Variants in RIMBP2 observed in about 807,000 individuals in gnomAD.
RIMBP2 encodes the protein RIMS binding protein 2, also known as RIMS-binding protein 2.
In RIMBP2, 48 loss-of-function variants were observed where a neutral mutation model predicts 118.6. The observed-to-expected ratio is 0.40, with a 90% CI of 0.32 to 0.51. The LOEUF is 0.51. RIMBP2 is among the 20% of genes least tolerant of loss of function. RIMBP2 has a pLI of 0.41. For missense variants in RIMBP2, 1,551 were observed against 1,768.3 expected (o/e 0.88, Z 2.20); for synonymous variants, 762 against 742.9 (o/e 1.03, Z -0.42).
rs10580090 is a variant in RIMBP2 at position 130,480,198 on chromosome 12, T to TACACAC, written c.-3-1188_-3-1183dup. Among the ~76,000 whole-genome samples the TACACAC allele has an allele frequency of 3.0e-3, 387 of 128,168 alleles. 1 individual carries two copies. Among genetic ancestry groups the TACACAC allele is most frequent in the African/African-American group, 0.013 (363 of 28,766 alleles). 84.1% of individuals were successfully genotyped at this position (128,168 alleles called of 152,430 possible). A position where few individuals can be genotyped will look rare whatever the true frequency, so the allele number is the denominator to read the frequency against. ...AGAATTTCATTGTCATTTCCTTTCA[T>TACACAC]ACACACACACACACACACACACACA... On this transcript the variant is annotated intron_variant, in intron 4 of 22. Transcript: ENST00000690449.
chr12:130,508,877 G>A (rs1021588006), intron 3 of RIMBP2, among the ~76,000 whole-genome samples: 12 of 152,152 alleles, frequency 7.9e-5, no homozygotes, highest in African/African-American at 2.9e-4. Flanking sequence ...TGGCTCCTGG[G>A]TGGACTATTG....
intron 21 of RIMBP2, among the ~76,000 whole-genome samples, chr12:130,402,891 A>G (rs1326989785): frequency 1.3e-5 from 2 of 152,232 alleles, no homozygotes; most frequent in African/African-American, 4.8e-5. Flanking sequence ...ATGCTGGGCT[A>G]TAGCAAGAAC....
chr12:130,403,760 C>T (rs914418983), intron 21 of RIMBP2, among the ~76,000 whole-genome samples: 22 of 152,164 alleles, frequency 1.4e-4, no homozygotes, highest in African/African-American at 5.1e-4. Flanking sequence ...AAAGGTATTC[C>T]AATGAATACA....
At chr12:130,411,233 A>G (rs975485277) in intron 19 of RIMBP2, among the ~76,000 whole-genome samples, 7 of 152,194 alleles carry the variant, frequency 4.6e-5, no homozygotes, top group African/African-American at 1.7e-4. Flanking sequence ...TGTTAGTTCT[A>G]GGAACTTTTT....
chr12:130,483,757 G>A (rs1224068799), intron 4 of RIMBP2, among the ~76,000 whole-genome samples: 5 of 136,148 alleles, frequency 3.7e-5, no homozygotes, highest in African/African-American at 1.1e-4. Context: ...CACAGTGCCC[G>A]GAGCCCCCAT....
At chr12:130,706,249 T>A (rs1357925872) in intron 1 of RIMBP2, among the ~76,000 whole-genome samples, 1 of 152,236 alleles carries the variant, frequency 6.6e-6, no homozygotes, top group Non-Finnish European at 1.5e-5. Context: ...CAATTGCTAA[T>A]CTTTATTGAG....
At chr12:130,485,969 C>A (rs2082437348) in intron 4 of RIMBP2, among the ~76,000 whole-genome samples, 1 of 152,228 alleles carries the variant, frequency 6.6e-6, no homozygotes. Flanking sequence ...GCCTCAGTTT[C>A]ATCACAGATG....
chr12:130,630,329 AAATT>A (rs2061917747), intron 1 of RIMBP2, among the ~76,000 whole-genome samples: 1 of 151,404 alleles, frequency 6.6e-6, no homozygotes, highest in South Asian at 2.1e-4. Context: ...TTAATTATAA[AAATT>A]AATATAAAAA....
intron 1 of RIMBP2, among the ~76,000 whole-genome samples, chr12:130,656,944 C>A (rs1283558362): frequency 6.6e-6 from 1 of 152,194 alleles, no homozygotes; most frequent in African/African-American, 2.4e-5. Flanking sequence ...TTCACCCAGG[C>A]AGGAGTGCAT....
chr12:130,619,570 G>A (rs2061171313), intron 2 of RIMBP2, among the ~76,000 whole-genome samples: 1 of 152,200 alleles, frequency 6.6e-6, no homozygotes, highest in Non-Finnish European at 1.5e-5. Context: ...GGGTCTGGGA[G>A]ATGTTCACAC....
rs1256506913 is a variant in RIMBP2 at position 130,617,274 on chromosome 12, G to A, written c.-217+11048C>T. ...AGCCCAGGCCCACGCCCTGCAGCTG[G>A]GAGCTGCTGGACCAGGCTTAGAACC... On this transcript the variant is annotated intron_variant, in intron 2 of 22. Coordinates refer to ENST00000690449, the MANE Select transcript of RIMBP2 (RefSeq NM_001393629.1). The surrounding 1 kb of genome is among the most constrained non-coding windows in gnomAD (Gnocchi z 4.6). Among the ~76,000 whole-genome samples, 1 of 152,100 alleles carries A rather than the reference G, an allele frequency of 6.6e-6. No homozygotes were observed. The highest frequency in any genetic ancestry group is 2.4e-5 in the African/African-American group (1 of 41,416).
chr12:130,712,141 G>A (rs903155434), intron 1 of RIMBP2, among the ~76,000 whole-genome samples: 3 of 152,212 alleles, frequency 2.0e-5, no homozygotes, highest in Non-Finnish European at 4.4e-5. Flanking sequence ...GGACGTGAGG[G>A]CCCAGGCATT....
intron 2 of RIMBP2, among the ~76,000 whole-genome samples, chr12:130,561,578 C>T (rs926838065): frequency 2.0e-5 from 3 of 152,178 alleles, no homozygotes; most frequent in South Asian, 4.1e-4. Context: ...TTGCGTAATC[C>T]GGTGTGATTT....
intron 1 of RIMBP2, among the ~76,000 whole-genome samples, chr12:130,649,602 A>G (rs1377895103): frequency 6.6e-6 from 1 of 152,120 alleles, no homozygotes; most frequent in Non-Finnish European, 1.5e-5. Context: ...TTCCTTGGAG[A>G]GACAGCGCGG....
intron 2 of RIMBP2, among the ~76,000 whole-genome samples, chr12:130,519,502 A>T (rs1393144355): frequency 6.6e-6 from 1 of 152,376 alleles, no homozygotes; most frequent in Non-Finnish European, 1.5e-5. Context: ...TCTGGATGGC[A>T]TAACATTTAT....
At chr12:130,438,631 G>T in intron 11 of RIMBP2, 115 bp from the exon 12 acceptor site, 3 of 659,774 alleles carry the variant, frequency 4.5e-6, no homozygotes, top group Non-Finnish European at 6.5e-6. Flanking sequence ...AGTCGCCAGG[G>T]AAAAAGAGAA....
intron 16 of RIMBP2, among the ~76,000 whole-genome samples, chr12:130,423,922 G>T (rs1019450980): frequency 1.3e-5 from 2 of 152,054 alleles, no homozygotes; most frequent in African/African-American, 4.8e-5. Flanking sequence ...CTGATTCTGG[G>T]GGGTGGAAAT....
chr12:130,419,508 C>T lies in RIMBP2; in HGVS notation c.3238+2945G>A, dbSNP rs1416196254. 1 of 152,246 alleles carries T rather than the reference C, an allele frequency of 6.6e-6. No individual in the cohort carries two copies. The highest frequency in any genetic ancestry group is 2.4e-5 in the African/African-American group (1 of 41,466). The allele number at this position is 152,246 out of a possible 1,614,324, so 9.4% of individuals were successfully genotyped here. A position where few individuals can be genotyped will look rare whatever the true frequency, so the allele number is the denominator to read the frequency against. On this transcript the variant is annotated intron_variant, in intron 17 of 22. Transcript: ENST00000690449. The surrounding 1 kb of genome is among the most constrained non-coding windows in gnomAD (Gnocchi z 4.3). ...TAATTTCTATGGAGATAAAGGGAATCATCTATTAAACAGAGTTGACAGCTT... is the reference window on the plus strand; with the variant it reads ...TAATTTCTATGGAGATAAAGGGAATTATCTATTAAACAGAGTTGACAGCTT...
In RIMBP2 at chr12:130,523,167, C is replaced by G. The variant is rs2052354518; in HGVS notation, c.-216-5250G>C. ...TCTGCCTCCATGTCTGTCTGTGTCTCTGTTTCTCTGCCTCTCTGTCTCTAT... is the reference window on the plus strand; with the variant it reads ...TCTGCCTCCATGTCTGTCTGTGTCTGTGTTTCTCTGCCTCTCTGTCTCTAT... On this transcript the variant is annotated intron_variant, in intron 2 of 22. Transcript: ENST00000690449. This position sits in a 1 kb window ranked among gnomAD's most constrained non-coding sequence, Gnocchi z 4.4. Among the ~76,000 whole-genome samples, 1 of 152,016 alleles carries G rather than the reference C, an allele frequency of 6.6e-6. No individual in the cohort carries two copies. The highest frequency in any genetic ancestry group is 2.4e-5 in the African/African-American group (1 of 41,408).
Sources: allele counts gnomAD v4.1 joint callset (sites outside exome capture counted in the v4.1 genomes callset), GRCh38; gene constraint gnomAD v4.1.1; non-coding constraint Gnocchi (gnomAD v3.1); transcripts MANE v1.5; gene names NCBI Gene and HGNC (gene_info 2026-07-23, HGNC 2026-07-21).